The following TNRC18 variants were observed in gnomAD, a reference collection of about 807,000 sequenced individuals.
TNRC18 encodes the protein trinucleotide repeat-containing gene 18 protein.
In TNRC18, 69 loss-of-function variants were observed where a neutral mutation model predicts 226.7. The ratio of observed to expected loss-of-function variants is 0.30; its 90% CI spans 0.25 to 0.37. The LOEUF is 0.37. Among genes scored for constraint, TNRC18 ranks in the 10% least tolerant of loss-of-function variants. The pLI is 1.00. For missense variants in TNRC18, 4,754 were observed against 4,256.6 expected (o/e 1.12, Z -3.25); for synonymous variants, 2,449 against 1,927.6 (o/e 1.27, Z -7.09).
intron 2 of TNRC18, among the ~76,000 whole-genome samples, chr7:5,406,324 G>A (rs1212941804): frequency 2.6e-5 from 4 of 152,036 alleles, no homozygotes; most frequent in African/African-American, 9.7e-5. Context: ...ATAGCCCATT[G>A]TGGTGGCGGC....
chr7:5,386,358 T>C lies in TNRC18; in HGVS notation c.2152+1314A>G, dbSNP rs189426726. Among the ~76,000 whole-genome samples the C allele has an allele frequency of 2.8e-3, 427 of 151,594 alleles. 2 individuals are homozygous for C. In the Middle Eastern group the frequency reaches 0.034, roughly 12 times the overall value. On this transcript the variant is annotated intron_variant, in intron 5 of 29. Coordinates refer to ENST00000430969, the MANE Select transcript of TNRC18 (RefSeq NM_001080495.3). ...TTCGGAGGCCAAGGCAGGCGGATCATCTGAGGTCAGAAGTTTGAGACCAGC... is the reference window on the plus strand; with the variant it reads ...TTCGGAGGCCAAGGCAGGCGGATCACCTGAGGTCAGAAGTTTGAGACCAGC...
At chr7:5,318,436 A>G (rs1233269595) in intron 24 of TNRC18, among the ~76,000 whole-genome samples, 1 of 152,310 alleles carries the variant, frequency 6.6e-6, no homozygotes, top group East Asian at 1.9e-4. Context: ...ATATTAACAG[A>G]AAAAAAGACA....
chr7:5,333,250 G>A (rs941434365), intron 18 of TNRC18, among the ~76,000 whole-genome samples: 2 of 152,192 alleles, frequency 1.3e-5, no homozygotes, highest in South Asian at 2.1e-4. Context: ...TCCCTACGCC[G>A]CCTCGGCTGC....
intron 8 of TNRC18, 122 bp downstream of exon 8, chr7:5,376,725 C>A: frequency 3.3e-6 from 4 of 1,219,074 alleles, no homozygotes; most frequent in Non-Finnish European, 4.6e-6. Context: ...GAACCCCGGT[C>A]CGCCTCCCCA....
rs1222620961 is a variant in TNRC18, at chr7:5,312,009, G to A, written c.8388+494C>T. The stretch of plus-strand genomic sequence containing the variant: ...AAATTAGCCAGGCGTGGTGGCGTGC[G>A]CCTGTAATCCCAGCTACTTGGGAGG... On this transcript the variant is annotated intron_variant, in intron 27 of 29. Transcript: ENST00000430969. This position sits in a 1 kb window ranked among gnomAD's most constrained non-coding sequence, Gnocchi z 6.3. 3.9e-5 allele frequency among the ~76,000 whole-genome samples: 6 copies of A among 152,010 alleles called. No individual in the cohort carries two copies. The highest frequency in any genetic ancestry group is 7.3e-5 in the African/African-American group (3 of 41,366).
chr7:5,363,797 G>T (rs189485015), intron 11 of TNRC18, among the ~76,000 whole-genome samples: 1 of 152,024 alleles, frequency 6.6e-6, no homozygotes, highest in African/African-American at 2.4e-5. Flanking sequence ...TAGTGAATAT[G>T]CATAGCTCTT....
At chr7:5,400,051 A>C (rs958682360) in intron 2 of TNRC18, among the ~76,000 whole-genome samples, 5 of 147,344 alleles carry the variant, frequency 3.4e-5, no homozygotes, top group African/African-American at 1.2e-4. Context: ...CACCATGTAC[A>C]GCTCATTTTT....
In TNRC18 at chr7:5,312,276, G is replaced by A. The variant is rs1186163774; in HGVS notation, c.8388+227C>T. ...TGGCTCTGCGTCCCGGGACCAGAGG[G>A]CAGGACCACTCTGCTCTGAAGGACT... On this transcript the variant is annotated intron_variant, in intron 27 of 29. Transcript: ENST00000430969. This position sits in a 1 kb window ranked among gnomAD's most constrained non-coding sequence, Gnocchi z 6.3. Among the ~76,000 whole-genome samples, 5 of 152,340 alleles carry A rather than the reference G, an allele frequency of 3.3e-5. No homozygotes were observed. Among genetic ancestry groups the A allele is most frequent in the South Asian group, 2.1e-4 (1 of 4,832 alleles).
At chr7:5,331,762 T>A (rs1255153460) in intron 19 of TNRC18, among the ~76,000 whole-genome samples, 1 of 152,076 alleles carries the variant, frequency 6.6e-6, no homozygotes, top group Non-Finnish European at 1.5e-5. Flanking sequence ...ATTTAAAAAT[T>A]AGCTGGGCAC....
intron 18 of TNRC18, among the ~76,000 whole-genome samples, chr7:5,343,026 T>G (rs1790833146): frequency 6.6e-6 from 1 of 152,198 alleles, no homozygotes; most frequent in African/African-American, 2.4e-5. Flanking sequence ...GGCAATACAC[T>G]ATTTTTAAGA....
intron 9 of TNRC18, 132 bp from the exon 10 acceptor site, chr7:5,374,616 C>A (rs886184251): frequency 1.2e-5 from 10 of 860,690 alleles, no homozygotes; most frequent in Non-Finnish European, 1.7e-5. Flanking sequence ...TCCAGGCTGC[C>A]CACCCCGTCC....
At chr7:5,311,813 G>A (rs6966380) in intron 27 of TNRC18, among the ~76,000 whole-genome samples, 5,035 of 140,776 alleles carry the variant, frequency 0.036, 278 homozygotes, top group African/African-American at 0.13. Context: ...GCAAGATCCT[G>A]TCTCTTAAAA....
Position 5,312,953 on chromosome 7 carries a change from A to G in TNRC18, c.7938T>C (p.Ser2646=), listed in dbSNP as rs751210245. ...AAGAGGAGGAGGAGGAAGAGGAGGAAGACGAAGAGGAAGAGGAGGAGGAGG... is the reference window on the plus strand; with the variant it reads ...AAGAGGAGGAGGAGGAAGAGGAGGAGGACGAAGAGGAAGAGGAGGAGGAGG... ...SSSSSSSSSS[S]SSSSSSSSSS... The change falls in exon 27 of 30, where the codon TCT becomes TCC. Residue 2646 remains serine, a synonymous_variant. Transcript: ENST00000430969. This position sits in a 1 kb window ranked among gnomAD's most constrained non-coding sequence, Gnocchi z 6.3. The G allele has an allele frequency of 2.7e-5, 34 of 1,280,246 alleles. No individual in the cohort carries two copies. The highest frequency in any genetic ancestry group is 2.5e-4 in the African/African-American group (16 of 64,498). 79.3% of individuals were successfully genotyped at this position (1,280,246 alleles called of 1,614,324 possible).
In TNRC18 at chr7:5,371,283, G is replaced by T. The variant is rs1794135457; in HGVS notation, c.3311C>A (p.Ala1104Asp). The T allele has an allele frequency of 1.3e-6, 2 of 1,580,082 alleles. No homozygotes were observed. The highest frequency in any genetic ancestry group is 1.7e-6 in the Non-Finnish European group (2 of 1,164,444). ...PYPFLLQPTA[A>D]ADADGLAPDV... ...AGGGGCCAAGCCGTCCGCGTCGGCG[G>T]CGGCCGTGGGCTGCAGCAGGAAAGG... The change falls in exon 11 of 30, where the codon GCC (alanine) becomes GAC (aspartate). Residue 1104 changes from alanine to aspartate, a missense_variant. Transcript: ENST00000430969.
intron 3 of TNRC18, among the ~76,000 whole-genome samples, chr7:5,390,835 TGGGGTCTCC>T (rs1780240468): frequency 6.6e-6 from 1 of 151,952 alleles, no homozygotes; most frequent in Non-Finnish European, 1.5e-5. Flanking sequence ...CACGGGGGAC[TGGGGTCTCC>T]AGTCCCCCCC....
intron 17 of TNRC18, among the ~76,000 whole-genome samples, chr7:5,350,508 C>T (rs1411393327): frequency 6.6e-6 from 1 of 152,178 alleles, no homozygotes; most frequent in Non-Finnish European, 1.5e-5. Context: ...GATGACACCT[C>T]CAGACCTTCC....
chr7:5,327,396 T>TGC (rs1349034973), intron 19 of TNRC18, among the ~76,000 whole-genome samples: 2 of 147,938 alleles, frequency 1.4e-5, no homozygotes, highest in African/African-American at 4.9e-5. Context: ...TGTGTGTGTG[T>TGC]GTGTGTGTGT....
intron 27 of TNRC18, among the ~76,000 whole-genome samples, chr7:5,310,346 C>T (rs1787047519): frequency 6.6e-6 from 1 of 152,162 alleles, no homozygotes; most frequent in African/African-American, 2.4e-5. Context: ...TCTCCTGCCT[C>T]AGCCTCCCAA....
At chr7:5,386,476 C>A (rs769973593) in intron 5 of TNRC18, among the ~76,000 whole-genome samples, 10 of 148,008 alleles carry the variant, frequency 6.8e-5, no homozygotes, top group Admixed American at 6.8e-5. Context: ...ACTGGGGAGA[C>A]TGAGGCACAA....
Sources: gnomAD v4.1 joint callset for allele counts (sites outside exome capture counted in the v4.1 genomes callset) on GRCh38, gnomAD v4.1.1 for gene constraint, Gnocchi (gnomAD v3.1) non-coding constraint, MANE v1.5 for transcripts, NCBI Gene and HGNC (gene_info 2026-07-23, HGNC 2026-07-21) for gene names.